MCHR2: variants seen among roughly 807,000 people sequenced by gnomAD.
MCHR2 encodes melanin concentrating hormone receptor 2, also known as melanin-concentrating hormone receptor 2.
MCHR2 carries 15 observed loss-of-function variants against 24.8 expected under a neutral mutation model. That is an observed-to-expected ratio of 0.60 (90% CI 0.40 to 0.93). The LOEUF is 0.93. MCHR2 is among the 40% of genes least tolerant of loss of function. The pLI, the probability that MCHR2 is intolerant of heterozygous loss-of-function variation, is 0.00. For missense variants in MCHR2, 386 were observed against 408.7 expected (o/e 0.94, Z 0.48); for synonymous variants, 151 against 147.6 (o/e 1.02, Z -0.17).
intron 1 of MCHR2, among the ~76,000 whole-genome samples, chr6:99,969,317 T>C (rs1006347681): frequency 2.0e-5 from 3 of 151,544 alleles, no homozygotes; most frequent in Admixed American, 6.6e-5. Flanking sequence ...CTACTAAAAA[T>C]ACAAAAATTA....
At chr6:99,993,592 A>G (rs1323819553) in intron 1 of MCHR2, among the ~76,000 whole-genome samples, 1 of 151,504 alleles carries the variant, frequency 6.6e-6, no homozygotes, top group East Asian at 1.9e-4. Context: ...GCCGGGATGA[A>G]CTAGCCCGGC....
intron 1 of MCHR2, among the ~76,000 whole-genome samples, chr6:99,956,494 C>T (rs143786680): frequency 7.2e-5 from 11 of 152,208 alleles, no homozygotes; most frequent in African/African-American, 2.6e-4. Flanking sequence ...TTACAGATCA[C>T]GTCTATTCTT....
At position 99,982,256 on chromosome 6, in the gene MCHR2, G is replaced by A. The variant is rs1057191594; in HGVS notation, c.-28+11680C>T. Among the ~76,000 whole-genome samples the A allele has an allele frequency of 2.0e-5, 3 of 151,842 alleles. No individual in the cohort carries two copies. The South Asian group carries it at 6.2e-4, about 32-fold the overall frequency. ...AATCTGCCTCCTAAATTAAGCCTCAGTTAACGACTCACATCAACCCACCTT... is the reference window on the plus strand; with the variant it reads ...AATCTGCCTCCTAAATTAAGCCTCAATTAACGACTCACATCAACCCACCTT... On this transcript the variant is annotated intron_variant, in intron 1 of 5. Coordinates refer to ENST00000281806, the MANE Select transcript of MCHR2 (RefSeq NM_001040179.2).
Position 99,928,544 on chromosome 6 carries a change from C to T in MCHR2, c.707+5854G>A, listed in dbSNP as rs182967807. Among the ~76,000 whole-genome samples, 238 of 152,220 alleles carry T rather than the reference C, an allele frequency of 1.6e-3. 2 individuals carry two copies. Among genetic ancestry groups the T allele is most frequent in the African/African-American group, 5.3e-3 (221 of 41,540 alleles). ...GTTATTGGTCTATTCAGAGATTCAACTTCTTCCTGGTTTAGTCTTGGGAGG... is the reference window on the plus strand; with the variant it reads ...GTTATTGGTCTATTCAGAGATTCAATTTCTTCCTGGTTTAGTCTTGGGAGG... On this transcript the variant is annotated intron_variant, in intron 5 of 5. Transcript: ENST00000281806.
intron 1 of MCHR2, among the ~76,000 whole-genome samples, chr6:99,967,854 A>G (rs1393480529): frequency 6.6e-6 from 1 of 152,070 alleles, no homozygotes; most frequent in Admixed American, 6.6e-5. Context: ...TTCAACCTCT[A>G]TTTGTGAAAT....
At chr6:99,928,933 G>T (rs1440420479) in intron 5 of MCHR2, among the ~76,000 whole-genome samples, 1 of 152,024 alleles carries the variant, frequency 6.6e-6, no homozygotes, top group Non-Finnish European at 1.5e-5. Flanking sequence ...TGATGTTAGG[G>T]TGTCAATTTT....
In MCHR2 at chr6:99,926,985, T is replaced by A. The variant is rs542598921; in HGVS notation, c.708-5730A>T. The stretch of plus-strand genomic sequence containing the variant: ...ATGGTTTTAGGTCTAACGTTAAGTC[T>A]TTAATCCATGTTGAATTAATTTTTG... On this transcript the variant is annotated intron_variant, in intron 5 of 5. Transcript: ENST00000281806. Among the ~76,000 whole-genome samples the A allele has an allele frequency of 9.1e-4, 138 of 152,376 alleles. 1 individual carries two copies. Among genetic ancestry groups the A allele is most frequent in the Non-Finnish European group, 1.4e-3 (92 of 68,038 alleles).
At chr6:99,945,047 G>A (rs1487059191) in intron 3 of MCHR2, among the ~76,000 whole-genome samples, 2 of 152,092 alleles carry the variant, frequency 1.3e-5, no homozygotes, top group Non-Finnish European at 2.9e-5. Context: ...CATTCTATAG[G>A]AGGGACCATG....
intron 1 of MCHR2, among the ~76,000 whole-genome samples, chr6:99,973,358 C>T (rs1315224677): frequency 6.6e-6 from 1 of 151,832 alleles, no homozygotes; most frequent in Non-Finnish European, 1.5e-5. Flanking sequence ...GGTTTAAAGT[C>T]TGTTTTATCA....
intron 2 of MCHR2, 80 bp from the exon 3 acceptor site, chr6:99,948,051 T>A: frequency 1.7e-6 from 2 of 1,179,076 alleles, no homozygotes; most frequent in Non-Finnish European, 2.4e-6. Flanking sequence ...TACAAATTTT[T>A]AATTGACATA....
At chr6:99,923,497 T>C (rs190559774) in intron 5 of MCHR2, among the ~76,000 whole-genome samples, 1 of 152,206 alleles carries the variant, frequency 6.6e-6, no homozygotes, top group East Asian at 1.9e-4. Flanking sequence ...TTTAGTTTTT[T>C]CCCCATTCAG....
In MCHR2 at chr6:99,956,116, G is replaced by T. The variant is rs199894853; in HGVS notation, c.32C>A (p.Thr11Asn). ...GGATTTGTTTAAAAGTTCGGCAGAG[G>T]TGTTCCAACAAGATGCATGAAATGG... MNPFHASCWN[T>N]SAELLNKSWN... Residue 11 changes from threonine to asparagine, a missense_variant, in exon 2 of 6, where the codon ACC (threonine) becomes AAC (asparagine). Coordinates refer to ENST00000281806, the MANE Select transcript of MCHR2 (RefSeq NM_001040179.2). The T allele has an allele frequency of 2.5e-6, 4 of 1,612,836 alleles. No individual in the cohort carries two copies. The East Asian group carries it at 6.7e-5, about 27-fold the overall frequency.
At chr6:99,921,974 G>T (rs1404419718) in intron 5 of MCHR2, among the ~76,000 whole-genome samples, 1 of 152,098 alleles carries the variant, frequency 6.6e-6, no homozygotes, top group African/African-American at 2.4e-5. Flanking sequence ...TTTTATGGCT[G>T]AATAGTACTC....
At chr6:99,945,133 T>C (rs1421660739) in intron 3 of MCHR2, among the ~76,000 whole-genome samples, 1 of 152,182 alleles carries the variant, frequency 6.6e-6, no homozygotes, top group African/African-American at 2.4e-5. Flanking sequence ...ATACAATTAC[T>C]TGTGGGACTC....
At chr6:99,987,891 AGAAAAG>A (rs1775798841) in intron 1 of MCHR2, among the ~76,000 whole-genome samples, 1 of 152,242 alleles carries the variant, frequency 6.6e-6, no homozygotes, top group Non-Finnish European at 1.5e-5. Context: ...TTGAAAGAAA[AGAAAAG>A]GAAACAAGAG....
chr6:99,975,855 A>T lies in MCHR2; in HGVS notation c.-28+18081T>A, dbSNP rs1304988353. 3.3e-5 allele frequency among the ~76,000 whole-genome samples: 5 copies of T among 152,352 alleles called. No homozygotes were observed. In the East Asian group the frequency reaches 5.8e-4, roughly 18 times the overall value. ...TGAACTTTATGATAATTCTTGACTG[A>T]CAGAAAGGCATGTCACTTTTCAATC... On this transcript the variant is annotated intron_variant, in intron 1 of 5. Coordinates refer to ENST00000281806, the MANE Select transcript of MCHR2 (RefSeq NM_001040179.2).
rs550834097 is a variant in MCHR2 at position 99,926,544 on chromosome 6, G to T, written c.708-5289C>A. Reference sequence around the variant, plus strand: ...TGGCCATTCTAACTGGTGTGAGATGGTATCTCATTGTGGTTTTGATTTGCA... The same window carrying T: ...TGGCCATTCTAACTGGTGTGAGATGTTATCTCATTGTGGTTTTGATTTGCA... On this transcript the variant is annotated intron_variant, in intron 5 of 5. Coordinates refer to ENST00000281806, the MANE Select transcript of MCHR2 (RefSeq NM_001040179.2). 1.1e-4 allele frequency among the ~76,000 whole-genome samples: 17 copies of T among 152,270 alleles called. 1 individual carries two copies. In the South Asian group the frequency reaches 3.3e-3, roughly 30 times the overall value.
intron 2 of MCHR2, among the ~76,000 whole-genome samples, chr6:99,953,198 C>T (rs1774997710): frequency 6.6e-6 from 1 of 152,162 alleles, no homozygotes; most frequent in Admixed American, 6.5e-5. Context: ...TGGCTCCAGA[C>T]ATCTCTTCAA....
rs1283924381 is a variant in MCHR2 at position 99,934,549 on chromosome 6, A to G, written c.588-32T>C. On this transcript the variant is annotated intron_variant, in intron 4 of 5. Transcript: ENST00000281806. ...AATGAGAGAGAGAAGAGAGAGAGAG[A>G]AAGAACAACACCATTACATTAATTG... The G allele has an allele frequency of 2.6e-6, 4 of 1,524,906 alleles. No individual in the cohort carries two copies. The African/African-American group carries it at 5.7e-5, about 22-fold the overall frequency. The allele number at this position is 1,524,906 out of a possible 1,614,324, so 94.5% of individuals were successfully genotyped here.
Sources: gnomAD v4.1 joint callset for allele counts (sites outside exome capture counted in the v4.1 genomes callset) on GRCh38, gnomAD v4.1.1 for gene constraint, MANE v1.5 for transcripts, NCBI Gene and HGNC (gene_info 2026-07-23, HGNC 2026-07-21) for gene names.